GAS2L3: variants seen among roughly 807,000 people sequenced by gnomAD.
GAS2L3 encodes the protein growth arrest specific 2 like 3.
Under a neutral mutation model 37.0 loss-of-function variants are expected in GAS2L3, and 28 were observed. That is an observed-to-expected ratio of 0.76 (90% confidence interval 0.56 to 1.04). The LOEUF (loss-of-function observed/expected upper bound fraction) is 1.04. Ranked by LOEUF, GAS2L3 falls within the 50% of genes least tolerant of loss-of-function variation. The pLI is 0.00. For missense variants in GAS2L3, 793 were observed against 817.6 expected, an observed-to-expected ratio of 0.97 and a Z score of 0.37; for synonymous variants, 290 against 296.6, an observed-to-expected ratio of 0.98 and a Z score of 0.23.
At chr12:100,621,275 A>G (rs1205703737) in intron 8 of GAS2L3, among the ~76,000 whole-genome samples, 1 of 152,124 alleles carries the variant, frequency 6.6e-6, no homozygotes, top group Non-Finnish European at 1.5e-5. Flanking sequence ...ATGTAATTTT[A>G]GGAAAAGCCA....
intron 1 of GAS2L3, among the ~76,000 whole-genome samples, chr12:100,582,815 G>T (rs550045720): frequency 1.3e-5 from 2 of 152,284 alleles, no homozygotes; most frequent in Admixed American, 1.3e-4. Context: ...TGCTGACAGG[G>T]TTGTGCTGTG....
chr12:100,577,395 C>T (rs1002080722), intron 1 of GAS2L3, among the ~76,000 whole-genome samples: 1 of 152,062 alleles, frequency 6.6e-6, no homozygotes, highest in Non-Finnish European at 1.5e-5. Context: ...TTGTATGCCA[C>T]AAAATTTTTG....
intron 6 of GAS2L3, chr12:100,612,611 G>T: frequency 6.1e-6 from 1 of 164,054 alleles, no homozygotes; most frequent in Non-Finnish European, 1.3e-5. Flanking sequence ...GAGGAGTCAT[G>T]CTCTGTTGAA....
chr12:100,615,353 C>A (rs1481569242), intron 6 of GAS2L3, among the ~76,000 whole-genome samples: 2 of 151,994 alleles, frequency 1.3e-5, no homozygotes, highest in African/African-American at 4.8e-5. Context: ...GGGTCATTTA[C>A]CCTTTTTGTC....
intron 1 of GAS2L3, chr12:100,578,845 T>C: frequency 2.8e-6 from 2 of 717,492 alleles, no homozygotes; most frequent in Non-Finnish European, 5.2e-6. Flanking sequence ...ATACCCATAA[T>C]ATATGTATGG....
chr12:100,574,387 G>T (rs908028275), intron 1 of GAS2L3, among the ~76,000 whole-genome samples: 1 of 152,166 alleles, frequency 6.6e-6, no homozygotes, highest in African/African-American at 2.4e-5. Context: ...CGGAACTGGG[G>T]AATAGAGCTG....
chr12:100,585,330 A>G (rs1470057165), intron 1 of GAS2L3, among the ~76,000 whole-genome samples: 7 of 146,722 alleles, frequency 4.8e-5, no homozygotes, highest in Non-Finnish European at 6.0e-5. Context: ...ATCTTGGCTC[A>G]CTGCAACCTG....
At chr12:100,582,430 A>G (rs1955725106) in intron 1 of GAS2L3, among the ~76,000 whole-genome samples, 2 of 152,160 alleles carry the variant, frequency 1.3e-5, no homozygotes, top group African/African-American at 4.8e-5. Flanking sequence ...CACAGGGGAT[A>G]TGTGATGGCT....
At chr12:100,616,156 CAACAGTGTTTT>C (rs1320645957) in intron 6 of GAS2L3, among the ~76,000 whole-genome samples, 1 of 152,088 alleles carries the variant, frequency 6.6e-6, no homozygotes, top group Non-Finnish European at 1.5e-5. Flanking sequence ...AAATTTCATT[CAACAGTGTTTT>C]ATAGTTTTCA....
chr12:100,604,893 C>G (rs988995122), intron 5 of GAS2L3, among the ~76,000 whole-genome samples: 28 of 151,934 alleles, frequency 1.8e-4, no homozygotes, highest in African/African-American at 6.5e-4. Context: ...TAAGATGTAT[C>G]ACACTGATTG....
At chr12:100,621,882 G>GGAGAGAGAGAGAGAGAGA in intron 8 of GAS2L3, among the ~76,000 whole-genome samples, 1 of 81,298 alleles carries the variant, frequency 1.2e-5, no homozygotes, top group African/African-American at 5.3e-5. Context: ...GGTGGGGGGG[G>GGAGAGAGAGAGAGAGAGA]GAGAGAGAGA....
rs1248078747 is a variant in GAS2L3 at position 100,623,772 on chromosome 12, G to A, written c.967G>A (p.Val323Ile). The part of the protein sequence containing the change: ...QPPEMNPLSA[V>I]NMFQKQNSKP... ...TCCTGAAATGAATCCTTTGTCAGCA[G>A]TTAACATGTTTCAGAAACAAAATTC... The change falls in exon 10 of 10, where the codon GTT becomes ATT. Residue 323 changes from valine (V) to isoleucine (I), a missense_variant. By Grantham distance (29) the Val-to-Ile change is conservative. Coordinates refer to ENST00000547754, the MANE Select transcript of GAS2L3 (RefSeq NM_174942.3). The A allele has an allele frequency of 1.2e-6, 2 of 1,614,026 alleles. No individual in the cohort carries two copies. Among genetic ancestry groups the A allele is most frequent in the Non-Finnish European group, 1.7e-6 (2 of 1,179,976 alleles).
At chr12:100,584,567 C>T (rs1368046640) in intron 1 of GAS2L3, among the ~76,000 whole-genome samples, 3 of 151,784 alleles carry the variant, frequency 2.0e-5, no homozygotes, top group Admixed American at 2.0e-4. Context: ...CCCGACATTC[C>T]TACTTGAATG....
chr12:100,574,349 C>A (rs1955609639), intron 1 of GAS2L3, among the ~76,000 whole-genome samples: 1 of 152,152 alleles, frequency 6.6e-6, no homozygotes, highest in Non-Finnish European at 1.5e-5. Context: ...TCTCCCAGTC[C>A]ATGCAGGGTC....
At chr12:100,576,258 C>CT (rs544754557) in intron 1 of GAS2L3, among the ~76,000 whole-genome samples, 49 of 151,136 alleles carry the variant, frequency 3.2e-4, no homozygotes, top group African/African-American at 7.3e-4. Flanking sequence ...GCTACTCTTC[C>CT]TTTTTTTTTC....
At chr12:100,599,526 G>A (rs1211372880) in intron 3 of GAS2L3, among the ~76,000 whole-genome samples, 1 of 152,166 alleles carries the variant, frequency 6.6e-6, no homozygotes, top group African/African-American at 2.4e-5. Flanking sequence ...CAAAATAGGT[G>A]AGACAAGATT....
chr12:100,622,257 ATTTG>A lies in GAS2L3; in HGVS notation c.649-15_649-12del. On this transcript the variant is annotated splice_polypyrimidine_tract_variant and intron_variant, in intron 8 of 9. Transcript: ENST00000547754. ...CTTTTTGTGACAAGCACTAAATTTT[ATTTG>A]TTCGTCATCTTAGGTTAAACATATT... 7.3e-7 allele frequency: 1 copy of A among 1,370,750 alleles called. No individual in the cohort carries two copies. Among genetic ancestry groups the A allele is most frequent in the Non-Finnish European group, 1.0e-6 (1 of 972,350 alleles). 84.9% of individuals were successfully genotyped at this position (1,370,750 alleles called of 1,614,324 possible).
intron 8 of GAS2L3, among the ~76,000 whole-genome samples, chr12:100,619,613 C>T (rs1593189070): frequency 6.6e-6 from 1 of 151,842 alleles, no homozygotes; most frequent in Non-Finnish European, 1.5e-5. Flanking sequence ...TATCTACCTA[C>T]ATTATGCTAT....
At chr12:100,592,690 A>G (rs1955860897) in intron 2 of GAS2L3, among the ~76,000 whole-genome samples, 1 of 152,114 alleles carries the variant, frequency 6.6e-6, no homozygotes, top group Admixed American at 6.6e-5. Context: ...AAAGTTAAGT[A>G]TAGTATTCCT....
Sources: allele counts gnomAD v4.1 joint callset (sites outside exome capture counted in the v4.1 genomes callset), GRCh38; gene constraint gnomAD v4.1.1; transcripts MANE v1.5; gene names NCBI Gene and HGNC (gene_info 2026-07-23, HGNC 2026-07-21).